WDR35: variants seen among roughly 807,000 people sequenced by gnomAD.
WDR35 encodes WD repeat-containing protein 35.
In WDR35, 118 loss-of-function variants were observed where a neutral mutation model predicts 158.3. The observed-to-expected ratio is 0.75, with a 90% CI of 0.64 to 0.87. WDR35 has a LOEUF of 0.87. WDR35 is among the 40% of genes least tolerant of loss of function. WDR35 has a pLI of 0.00. For synonymous variants in WDR35, 448 were observed against 476.1 expected (o/e 0.94, Z 0.77); for missense variants, 1,263 against 1,405.8 (o/e 0.90, Z 1.62).
intron 10 of WDR35, among the ~76,000 whole-genome samples, chr2:19,962,806 T>TA (rs527665952): frequency 6.6e-6 from 1 of 152,186 alleles, no homozygotes; most frequent in Non-Finnish European, 1.5e-5. Flanking sequence ...TAAAAAATCA[T>TA]AATTTACTCT....
At chr2:19,936,184 A>G (rs774700087) in intron 20 of WDR35, 35 bp downstream of exon 20, 7 of 1,613,410 alleles carry the variant, frequency 4.3e-6, no homozygotes, top group Non-Finnish European at 4.2e-6. Context: ...TAAGTGTTGC[A>G]TGAATGCTTG....
intron 25 of WDR35, among the ~76,000 whole-genome samples, chr2:19,919,737 A>G (rs1670109308): frequency 2.6e-5 from 4 of 152,230 alleles, no homozygotes; most frequent in Admixed American, 1.3e-4. Context: ...CTAAGATCAC[A>G]GCAGAACTGA....
intron 12 of WDR35, 152 bp downstream of exon 12, chr2:19,953,682 A>G: frequency 2.0e-6 from 2 of 991,952 alleles, no homozygotes; most frequent in Admixed American, 2.2e-5. Flanking sequence ...ATAAATTTAA[A>G]CACATAAATT....
chr2:19,911,255 AGAG>A lies in WDR35; in HGVS notation c.*2300_*2302del. ...AACCAACAAATCACAGTAAGGGGCT[AGAG>A]GCATGACAATCGAATGAATTCTCAG... is the stretch of plus-strand genomic sequence containing the variant. On this transcript the variant is annotated 3_prime_UTR_variant, in exon 27 of 27. Coordinates refer to ENST00000281405, the MANE Select transcript of WDR35 (RefSeq NM_020779.4). The A allele has an allele frequency of 6.6e-6, 1 of 152,390 alleles. No homozygotes were observed. Among genetic ancestry groups the A allele is most frequent in the Admixed American group, 6.5e-5 (1 of 15,304 alleles). The allele number at this position is 152,390 out of a possible 1,614,324, so 9.4% of individuals were successfully genotyped here.
At position 19,945,820 on chromosome 2, in the gene WDR35, G is replaced by A; in HGVS notation, c.1811C>T (p.Thr604Ile). 1 of 1,613,782 alleles carries A rather than the reference G, an allele frequency of 6.2e-7. No individual in the cohort carries two copies. Among genetic ancestry groups the A allele is most frequent in the African/African-American group, 1.3e-5 (1 of 75,004 alleles). ...NPDLFAMMEK[T>I]RMYVFRNLDP... is the part of the protein sequence containing the mutation. ...CAAGTTTCTGAAAACATACATTCTT[G>A]TCTTCTCCATCATTGCAAACAAATC... Residue 604 changes from threonine (T) to isoleucine (I), a missense_variant, in exon 16 of 27, where the codon ACA becomes ATA. By Grantham distance (89) the Thr-to-Ile change is moderately conservative (BLOSUM62 -1). Transcript: ENST00000281405.
intron 2 of WDR35, among the ~76,000 whole-genome samples, chr2:19,984,002 CATATATATAT>C (rs753374553): frequency 4.4e-5 from 4 of 89,948 alleles, no homozygotes; most frequent in African/African-American, 1.9e-4. Context: ...CATTCTAATG[CATATATATAT>C]ATATATATAT....
Position 19,975,657 on chromosome 2 carries a change from C to T in WDR35, c.443G>A (p.Arg148His), listed in dbSNP as rs1354281224. The T allele has an allele frequency of 5.0e-6, 8 of 1,613,868 alleles. No individual in the cohort carries two copies. The highest frequency in any genetic ancestry group is 2.2e-5 in the East Asian group (1 of 44,850). Residue 148 changes from arginine to histidine, a missense_variant, in exon 6 of 27, where the codon CGT (arginine) becomes CAT (histidine). Transcript: ENST00000281405. ...AVIVGSVDGN[R>H]IWGKDLKGIQ... ...ACCCTTCAGGTCTTTTCCCCAAATA[C>T]GATTGCCTAAAACAAAACATTATTA...
intron 10 of WDR35, among the ~76,000 whole-genome samples, chr2:19,964,385 T>TC (rs1481542718): frequency 4.1e-5 from 6 of 147,004 alleles, no homozygotes; most frequent in African/African-American, 1.3e-4. Context: ...TCTTTTCTTT[T>TC]TTTTTTTTTT....
rs1669817803 is a variant in WDR35 at position 19,911,024 on chromosome 2, G to A, written c.*2534C>T. On this transcript the variant is annotated 3_prime_UTR_variant, in exon 27 of 27. Coordinates refer to ENST00000281405, the MANE Select transcript of WDR35 (RefSeq NM_020779.4). The stretch of plus-strand genomic sequence containing the variant: ...TACTGGTTTCTGGATCCAACTGAAT[G>A]AGAAATATCAACTAGATATTGTTTA... 1 of 152,156 alleles carries A rather than the reference G, an allele frequency of 6.6e-6. No homozygotes were observed. Among genetic ancestry groups the A allele is most frequent in the Non-Finnish European group, 1.5e-5 (1 of 68,030 alleles). 9.4% of individuals were successfully genotyped at this position (152,156 alleles called of 1,614,324 possible).
intron 2 of WDR35, among the ~76,000 whole-genome samples, chr2:19,988,765 T>C (rs1203498430): frequency 6.6e-6 from 1 of 152,200 alleles, no homozygotes; most frequent in Non-Finnish European, 1.5e-5. Context: ...TCTTGGACAC[T>C]AGGTGAATAA....
At chr2:19,928,490 C>T (rs1476059110) in intron 25 of WDR35, among the ~76,000 whole-genome samples, 1 of 152,070 alleles carries the variant, frequency 6.6e-6, no homozygotes, top group Non-Finnish European at 1.5e-5. Context: ...TTAGGGTCTC[C>T]CTGACTGAGC....
intron 11 of WDR35, among the ~76,000 whole-genome samples, chr2:19,957,745 G>T (rs1671496265): frequency 6.6e-6 from 1 of 152,058 alleles, no homozygotes; most frequent in African/African-American, 2.4e-5. Context: ...TAGAGATGGG[G>T]TTTTGCCATT....
Position 19,966,905 on chromosome 2 carries a change from C to T in WDR35, c.1013G>A (p.Gly338Asp), listed in dbSNP as rs746879580. Residue 338 changes from glycine (G) to aspartate (D), a missense_variant, in exon 10 of 27, where the codon GGT becomes GAT. By Grantham distance (94) the Gly-to-Asp change is moderately conservative. Transcript: ENST00000281405. ...FANIRPNYKW[G>D]YCSNTVVYAY... Reference sequence around the variant, plus strand: ...ATAAACTACAGTGTTTGAGCAATAACCCCACTAGGAAGAAAGGAAGGAGGA... The same window carrying T: ...ATAAACTACAGTGTTTGAGCAATAATCCCACTAGGAAGAAAGGAAGGAGGA... 1 of 1,613,448 alleles carries T rather than the reference C, an allele frequency of 6.2e-7. No homozygotes were observed. The highest frequency in any genetic ancestry group is 1.7e-5 in the Admixed American group (1 of 59,976).
In WDR35 at chr2:19,969,569, A is replaced by T. The variant is rs559239810; in HGVS notation, c.919T>A (p.Ser307Thr). 6.2e-6 allele frequency: 10 copies of T among 1,613,976 alleles called. No homozygotes were observed. The South Asian group carries it at 8.8e-5, about 14-fold the overall frequency. The change falls in exon 9 of 27, where the codon TCT becomes ACT. Residue 307 changes from serine (S) to threonine (T), a missense_variant. Coordinates refer to ENST00000281405, the MANE Select transcript of WDR35 (RefSeq NM_020779.4). Reference sequence around the variant, plus strand: ...CCACCTCCTTCCCAAGATAGTGCAGATATTTCCTTTCCAGGAACTTTCAAA... The same window carrying T: ...CCACCTCCTTCCCAAGATAGTGCAGTTATTTCCTTTCCAGGAACTTTCAAA... ...GTLKVPGKEI[S>T]ALSWEGGGLK...
chr2:19,964,150 T>G (rs6713662), intron 10 of WDR35, among the ~76,000 whole-genome samples: 5,841 of 152,270 alleles, frequency 0.038, 226 homozygotes, highest in East Asian at 0.2. Context: ...CTTGACGTTA[T>G]GAAATCTGTT....
At chr2:19,985,963 G>A (rs1672553987) in intron 2 of WDR35, among the ~76,000 whole-genome samples, 2 of 150,566 alleles carry the variant, frequency 1.3e-5, no homozygotes, top group Admixed American at 1.3e-4. Flanking sequence ...CGACTAAGAG[G>A]AAGCCAGAGA....
intron 16 of WDR35, among the ~76,000 whole-genome samples, chr2:19,945,049 T>C: frequency 6.6e-6 from 1 of 152,138 alleles, no homozygotes; most frequent in East Asian, 1.9e-4. Context: ...ATTTAAAAGA[T>C]TTATCTTCTT....
intron 23 of WDR35, among the ~76,000 whole-genome samples, chr2:19,931,628 G>A (rs1670529294): frequency 1.3e-5 from 2 of 152,112 alleles, no homozygotes; most frequent in Non-Finnish European, 2.9e-5. Flanking sequence ...AGCCCTAGGA[G>A]TTGGAATTCA....
Position 19,930,422 on chromosome 2 carries a change from C to T in WDR35, c.3095G>A (p.Gly1032Glu). The part of the protein sequence containing the change: ...FILAQRQLYE[G>E]CVDTALKTAL... ...TGTCTTCAGTGCAGTGTCCACACATCCCTCATAGAGCTGCCTCTGTGCAAG... is the reference window on the plus strand; with the variant it reads ...TGTCTTCAGTGCAGTGTCCACACATTCCTCATAGAGCTGCCTCTGTGCAAG... Residue 1032 changes from glycine (G) to glutamate (E), a missense_variant, in exon 25 of 27, where the codon GGA (glycine) becomes GAA (glutamate). By Grantham distance (98) the Gly-to-Glu change is moderately conservative (BLOSUM62 -2). Transcript: ENST00000281405. 6.2e-7 allele frequency: 1 copy of T among 1,614,186 alleles called. No individual in the cohort carries two copies. Among genetic ancestry groups the T allele is most frequent in the Non-Finnish European group, 8.5e-7 (1 of 1,180,020 alleles).
Sources: allele counts gnomAD v4.1 joint callset (sites outside exome capture counted in the v4.1 genomes callset), GRCh38; gene constraint gnomAD v4.1.1; transcripts MANE v1.5; gene names NCBI Gene and HGNC (gene_info 2026-07-23, HGNC 2026-07-21).